The following MKNK1 variants were observed in gnomAD, a reference collection of about 807,000 sequenced individuals.
MKNK1 encodes MAP kinase-interacting serine/threonine-protein kinase 1.
A neutral mutation model predicts 49.3 loss-of-function variants in MKNK1; 30 were observed. The observed-to-expected ratio is 0.61, with a 90% CI of 0.46 to 0.83. The LOEUF (loss-of-function observed/expected upper bound fraction) is 0.83, where lower values mean the gene tolerates loss of function less well. Ranked by LOEUF, MKNK1 falls within the 40% of genes least tolerant of loss-of-function variation. MKNK1 has a pLI of 0.00. For synonymous variants in MKNK1, 176 were observed against 201.7 expected, an observed-to-expected ratio of 0.87 and a Z score of 1.08; for missense variants, 423 against 524.7, an observed-to-expected ratio of 0.81 and a Z score of 1.89.
chr1:46,568,375 A>C, intron 8 of MKNK1, 68 bp downstream of exon 8: 1 of 1,491,756 alleles, frequency 6.7e-7, no homozygotes, highest in Non-Finnish European at 9.3e-7. Context: ...CTAACAATCC[A>C]TCCTGAAAGC....
chr1:46,562,507 GCCA>G, intron 10 of MKNK1, 139 bp downstream of exon 10: 1 of 943,826 alleles, frequency 1.1e-6, no homozygotes, highest in Non-Finnish European at 1.5e-6. Flanking sequence ...TTACCTTGTG[GCCA>G]CCGTGACAGG....
chr1:46,578,586 ATTTT>A (rs71817045), intron 4 of MKNK1, among the ~76,000 whole-genome samples: 5 of 138,324 alleles, frequency 3.6e-5, no homozygotes, highest in Admixed American at 1.5e-4. Flanking sequence ...AGATATATCA[ATTTT>A]TTTTTTTTTT....
intron 10 of MKNK1, 91 bp downstream of exon 10, chr1:46,562,558 G>A: frequency 7.1e-7 from 1 of 1,400,984 alleles, no homozygotes; most frequent in Non-Finnish European, 9.5e-7. Flanking sequence ...TCCCGATCAG[G>A]AACGCTCTCC....
At chr1:46,561,807 C>A in intron 10 of MKNK1, 165 bp from the exon 11 acceptor site, 1 of 696,410 alleles carries the variant, frequency 1.4e-6, no homozygotes, top group Non-Finnish European at 2.3e-6. Context: ...CCGCACTGTC[C>A]CCTAGATGAT....
chr1:46,600,890 A>C (rs1055469447), intron 1 of MKNK1, among the ~76,000 whole-genome samples: 1 of 152,024 alleles, frequency 6.6e-6, no homozygotes, highest in Non-Finnish European at 1.5e-5. Context: ...TTCTAGAACT[A>C]TCTCCACTAC....
intron 3 of MKNK1, among the ~76,000 whole-genome samples, chr1:46,582,241 G>A (rs1240748897): frequency 6.6e-6 from 1 of 152,004 alleles, no homozygotes; most frequent in African/African-American, 2.4e-5. Context: ...TGAGTTAAAG[G>A]CAAACAAAAA....
intron 6 of MKNK1, among the ~76,000 whole-genome samples, chr1:46,572,681 T>C (rs1670372956): frequency 6.6e-6 from 1 of 152,168 alleles, no homozygotes; most frequent in African/African-American, 2.4e-5. Context: ...GACTACTCTC[T>C]TCTGTACCTG....
rs369038109 is a variant in MKNK1, at chr1:46,577,396, A to C, written c.199-742T>G. Among the ~76,000 whole-genome samples, 3 of 152,226 alleles carry C rather than the reference A, an allele frequency of 2.0e-5. No individual in the cohort carries two copies. In the East Asian group the frequency reaches 5.8e-4, roughly 29 times the overall value. On this transcript the variant is annotated intron_variant, in intron 4 of 12. Transcript: ENST00000371945. The stretch of plus-strand genomic sequence containing the variant: ...CTCAGGAGGCTGAGGCAGGATAGTC[A>C]CTTGAACTGGGGAGGCGGAGGTTGC...
intron 4 of MKNK1, 82 bp from the exon 5 acceptor site, chr1:46,576,736 A>G: frequency 1.7e-6 from 2 of 1,149,712 alleles, no homozygotes; most frequent in South Asian, 2.5e-5. Context: ...GGAGAATGCA[A>G]GGCCACACTC....
In MKNK1 at chr1:46,594,100, C is replaced by T. The variant is rs371825384; in HGVS notation, c.-3+13G>A. 52 of 1,583,728 alleles carry T rather than the reference C, an allele frequency of 3.3e-5. 1 individual carries two copies. The East Asian group carries it at 6.5e-4, about 20-fold the overall frequency. On this transcript the variant is annotated intron_variant, in intron 2 of 12. Transcript: ENST00000371945. ...AATCTAAAAGGATAACTAAAATGTA[C>T]ACCCAATCTTACCTATAGGTTTTTC...
chr1:46,596,885 G>A (rs1674136418), intron 1 of MKNK1, among the ~76,000 whole-genome samples: 1 of 152,192 alleles, frequency 6.6e-6, no homozygotes, highest in South Asian at 2.1e-4. Flanking sequence ...CAAATACAAA[G>A]GCAGAGAGAG....
At position 46,574,611 on chromosome 1, in the gene MKNK1, A is replaced by G. The variant is rs368500531; in HGVS notation, c.352+336T>C. On this transcript the variant is annotated intron_variant, in intron 6 of 12. Transcript: ENST00000371945. ...TGTTTTAGCCTTTCTAGACTTCGCA[A>G]TGTATTTGAGAGCTTCCACCCCATA... 8 of 219,900 alleles carry G rather than the reference A, an allele frequency of 3.6e-5. No homozygotes were observed. The East Asian group carries it at 4.3e-4, about 12-fold the overall frequency. The allele number at this position is 219,900 out of a possible 1,614,324, so 13.6% of individuals were successfully genotyped here. A position where few individuals can be genotyped will look rare whatever the true frequency, so the allele number is the denominator to read the frequency against.
At chr1:46,601,568 G>C (rs948899117) in intron 1 of MKNK1, among the ~76,000 whole-genome samples, 1 of 152,206 alleles carries the variant, frequency 6.6e-6, no homozygotes, top group Non-Finnish European at 1.5e-5. Context: ...GGCAAGACAA[G>C]AGCCTGAAAA....
chr1:46,560,205 C>T, intron 12 of MKNK1, 29 bp downstream of exon 12: 1 of 1,613,242 alleles, frequency 6.2e-7, no homozygotes, highest in Non-Finnish European at 8.5e-7. Flanking sequence ...TGAGGAAGAG[C>T]ATGGCGTGGG....
chr1:46,585,192 G>A (rs1029470104), intron 2 of MKNK1, among the ~76,000 whole-genome samples: 1 of 129,730 alleles, frequency 7.7e-6, no homozygotes, highest in African/African-American at 2.8e-5. Context: ...AGAGGTTGCA[G>A]TGAGCCGAGA....
At chr1:46,572,959 C>A (rs1015029971) in intron 6 of MKNK1, among the ~76,000 whole-genome samples, 14 of 152,180 alleles carry the variant, frequency 9.2e-5, no homozygotes, top group African/African-American at 3.1e-4. Flanking sequence ...TCCGCCTGAG[C>A]TTTCCCATTC....
At chr1:46,560,095 A>G in intron 12 of MKNK1, 139 bp downstream of exon 12, 3 of 914,548 alleles carry the variant, frequency 3.3e-6, no homozygotes, top group Non-Finnish European at 5.2e-6. Context: ...AGAGGAAAAG[A>G]GAGTGAGGAG....
intron 11 of MKNK1, among the ~76,000 whole-genome samples, chr1:46,561,071 A>C (rs939209257): frequency 6.6e-6 from 1 of 152,256 alleles, no homozygotes; most frequent in East Asian, 1.9e-4. Context: ...CCAGACCATG[A>C]GGAGAACCTA....
intron 2 of MKNK1, chr1:46,586,399 T>G (rs1570267111): frequency 6.0e-6 from 1 of 167,960 alleles, no homozygotes; most frequent in Admixed American, 5.6e-5. Flanking sequence ...GCAGAACTAG[T>G]AGTTGGTGCT....
Sources: allele counts gnomAD v4.1 joint callset (sites outside exome capture counted in the v4.1 genomes callset), GRCh38; gene constraint gnomAD v4.1.1; transcripts MANE v1.5; gene names NCBI Gene and HGNC (gene_info 2026-07-23, HGNC 2026-07-21).